UGGT1: variants seen among roughly 807,000 people sequenced by gnomAD.
UGGT1 encodes UDP-glucose glycoprotein glucosyltransferase 1.
UGGT1 carries 107 observed loss-of-function variants against 203.9 expected under a neutral mutation model. That is an observed-to-expected ratio of 0.52 (90% CI 0.45 to 0.62). UGGT1 has a LOEUF of 0.62. Among genes scored for constraint, UGGT1 ranks in the 20% least tolerant of loss-of-function variants. The pLI is 0.00. For missense variants in UGGT1, 1,673 were observed against 1,867.2 expected (o/e 0.90, Z 1.92); for synonymous variants, 628 against 653.5 (o/e 0.96, Z 0.59).
At chr2:128,176,407 CAAAAAAA>C (rs757833629) in intron 31 of UGGT1, among the ~76,000 whole-genome samples, 1 of 70,226 alleles carries the variant, frequency 1.4e-5, no homozygotes, top group Non-Finnish European at 2.7e-5. Flanking sequence ...AACTCTGTCT[CAAAAAAA>C]AAAAAAAAAA....
intron 17 of UGGT1, among the ~76,000 whole-genome samples, chr2:128,144,178 T>A (rs2105460857): frequency 6.6e-6 from 1 of 152,348 alleles, no homozygotes; most frequent in South Asian, 2.1e-4. Flanking sequence ...TTCGAGTCCT[T>A]ACTAATCTCA....
chr2:128,092,217 A>G (rs369286869), intron 1 of UGGT1, among the ~76,000 whole-genome samples: 2 of 137,032 alleles, frequency 1.5e-5, no homozygotes, highest in East Asian at 4.2e-4. Flanking sequence ...ACTTGGAATA[A>G]TTGTAGCCTT....
intron 5 of UGGT1, among the ~76,000 whole-genome samples, chr2:128,111,803 T>C (rs907129350): frequency 1.3e-4 from 20 of 151,112 alleles, no homozygotes; most frequent in Non-Finnish European, 2.4e-4. Flanking sequence ...CCTATACTTA[T>C]ATTTTTAAAT....
chr2:128,181,716 T>C (rs964256570), intron 36 of UGGT1, among the ~76,000 whole-genome samples: 15 of 152,308 alleles, frequency 9.8e-5, no homozygotes, highest in African/African-American at 2.9e-4. Context: ...GCCTTCCTGA[T>C]TGTAACATAG....
At chr2:128,162,078 A>C (rs553956278) in intron 25 of UGGT1, among the ~76,000 whole-genome samples, 1 of 152,122 alleles carries the variant, frequency 6.6e-6, no homozygotes, top group Non-Finnish European at 1.5e-5. Flanking sequence ...CCTCGTGGGT[A>C]TGAAGTGCTG....
At chr2:128,105,589 A>G (rs1687571017) in intron 3 of UGGT1, among the ~76,000 whole-genome samples, 1 of 151,932 alleles carries the variant, frequency 6.6e-6, no homozygotes, top group Non-Finnish European at 1.5e-5. Flanking sequence ...ATCTCGACTC[A>G]CTGCAATCTC....
intron 26 of UGGT1, among the ~76,000 whole-genome samples, chr2:128,167,541 G>GA (rs1449355417): frequency 3.9e-5 from 6 of 152,188 alleles, no homozygotes; most frequent in Non-Finnish European, 8.8e-5. Flanking sequence ...CAGTCCTGAG[G>GA]AATCAGCACC....
chr2:128,176,978 G>A (rs1024501200), intron 32 of UGGT1, 80 bp downstream of exon 32: 1 of 1,381,398 alleles, frequency 7.2e-7, no homozygotes, highest in Non-Finnish European at 1.0e-6. Context: ...CAGCCCAAGA[G>A]TCTCTTTGGA....
chr2:128,127,912 A>G (rs1377307750), intron 12 of UGGT1, among the ~76,000 whole-genome samples: 1 of 152,120 alleles, frequency 6.6e-6, no homozygotes, highest in African/African-American at 2.4e-5. Flanking sequence ...CATCTCTGCT[A>G]AAAATACAAA....
At chr2:128,149,115 C>T (rs1276195266) in intron 18 of UGGT1, among the ~76,000 whole-genome samples, 1 of 151,988 alleles carries the variant, frequency 6.6e-6, no homozygotes, top group African/African-American at 2.4e-5. Flanking sequence ...GATCATAGCT[C>T]ACTGCAGCCT....
chr2:128,155,593 C>T lies in UGGT1; in HGVS notation c.2236+6C>T. On this transcript the variant is annotated splice_donor_region_variant and intron_variant, in intron 20 of 40. Transcript: ENST00000259253. ...GAACTATCTGACAAAGAAAGGTAAT[C>T]CATTTGAGGCTTATTATCTTGCATT... 1.9e-6 allele frequency: 3 copies of T among 1,601,542 alleles called. No individual in the cohort carries two copies. Among genetic ancestry groups the T allele is most frequent in the South Asian group, 2.3e-5 (2 of 88,734 alleles).
chr2:128,187,866 G>T (rs1573641643), intron 40 of UGGT1, among the ~76,000 whole-genome samples: 1 of 146,222 alleles, frequency 6.8e-6, no homozygotes. Context: ...TATTTTAATT[G>T]TGATTATAGT....
rs375956629 is a variant in UGGT1 at position 128,152,786 on chromosome 2, T to C, written c.2019T>C (p.Gly673=). The C allele has an allele frequency of 1.0e-5, 16 of 1,597,978 alleles. No individual in the cohort carries two copies. The highest frequency in any genetic ancestry group is 1.4e-5 in the Non-Finnish European group (16 of 1,173,920). The part of the protein sequence containing the change: ...TTFFQRAVYL[G]ELPHDQDVVE... ...AACCTCCTTTTTTTTTCTTGCAGGG[T>C]GAACTGCCCCATGATCAAGATGTGG... Residue 673 remains glycine, a splice_region_variant and synonymous_variant, in exon 19 of 41, where the codon GGT becomes GGC. Coordinates refer to ENST00000259253, the MANE Select transcript of UGGT1 (RefSeq NM_020120.4).
intron 19 of UGGT1, 23 bp from the exon 20 acceptor site, chr2:128,155,466 A>G: frequency 6.5e-7 from 1 of 1,540,938 alleles, no homozygotes; most frequent in Non-Finnish European, 9.0e-7. Context: ...ACTAATATAT[A>G]CGTATTTCAT....
At position 128,133,260 on chromosome 2, in the gene UGGT1, G is replaced by A. The variant is rs1297631689; in HGVS notation, c.1497G>A (p.Met499Ile). ...AGATCAGGAAAAACTTACATAATAT[G>A]GTAAGTAAAACTTATTGTCTGGCTG... ...IRQIRKNLHN[M>I]VFIVDPAHET... Residue 499 changes from methionine (M) to isoleucine (I), a missense_variant and splice_region_variant, in exon 14 of 41, where the codon ATG becomes ATA. Met to Ile is a conservative substitution (Grantham distance 10). Transcript: ENST00000259253. The A allele has an allele frequency of 6.2e-7, 1 of 1,612,760 alleles. No homozygotes were observed. The highest frequency in any genetic ancestry group is 1.7e-5 in the Admixed American group (1 of 59,888).
chr2:128,183,027 C>T (rs963133377), intron 37 of UGGT1, among the ~76,000 whole-genome samples: 3 of 150,920 alleles, frequency 2.0e-5, no homozygotes, highest in African/African-American at 7.3e-5. Context: ...TATAGTTTTC[C>T]CTGTGACCTA....
chr2:128,118,810 G>A (rs189672566), intron 8 of UGGT1, among the ~76,000 whole-genome samples: 29 of 151,968 alleles, frequency 1.9e-4, no homozygotes, highest in Admixed American at 1.7e-3. Context: ...TCCACCTCCC[G>A]AGGCTCAGGT....
chr2:128,142,956 G>C (rs1311208890), intron 16 of UGGT1, 138 bp from the exon 17 acceptor site: 6 of 883,324 alleles, frequency 6.8e-6, no homozygotes, highest in Non-Finnish European at 9.6e-6. Context: ...CTCCAACCTG[G>C]GTGACAGCAA....
intron 22 of UGGT1, 123 bp from the exon 23 acceptor site, chr2:128,159,391 G>C (rs1465345957): frequency 1.1e-6 from 1 of 920,306 alleles, no homozygotes; most frequent in South Asian, 1.7e-5. Flanking sequence ...GAGCCACTGC[G>C]CCCGGCCTGA....
Sources: gnomAD v4.1 joint callset for allele counts (sites outside exome capture counted in the v4.1 genomes callset) on GRCh38, gnomAD v4.1.1 for gene constraint, MANE v1.5 for transcripts, NCBI Gene and HGNC (gene_info 2026-07-23, HGNC 2026-07-21) for gene names.